CCZ1: variants seen among roughly 807,000 people sequenced by gnomAD.
The protein encoded by CCZ1 is CCZ1 vacuolar protein trafficking and biogenesis associated, also known as vacuolar fusion protein CCZ1 homolog.
In CCZ1, 19 loss-of-function variants were observed where a neutral mutation model predicts 57.8. The observed-to-expected ratio is 0.33, with a 90% confidence interval of 0.23 to 0.48. The LOEUF is 0.48. Among genes scored for constraint, CCZ1 ranks in the 20% least tolerant of loss-of-function variants. CCZ1 has a pLI of 0.99. For missense variants in CCZ1, 200 were observed against 492.0 expected, an observed-to-expected ratio of 0.41 and a Z score of 5.61; for synonymous variants, 81 against 167.0, an observed-to-expected ratio of 0.49 and a Z score of 3.97.
At chr7:5,908,580 A>C (rs899113488) in intron 7 of CCZ1, among the ~76,000 whole-genome samples, 11 of 147,674 alleles carry the variant, frequency 7.4e-5, no homozygotes, top group African/African-American at 2.8e-4. Flanking sequence ...GTGTTTCGCC[A>C]TGTTGGCCAG....
chr7:5,899,334 GGTGT>G (rs869199583), intron 1 of CCZ1, among the ~76,000 whole-genome samples: 706 of 12,346 alleles, frequency 0.057, 24 homozygotes, highest in Non-Finnish European at 0.09. Flanking sequence ...TCGGGAGGGG[GGTGT>G]GTGTGTGTGT....
intron 4 of CCZ1, chr7:5,901,438 T>C (rs531972650): frequency 4.2e-6 from 3 of 706,910 alleles, no homozygotes; most frequent in African/African-American, 1.9e-5. Flanking sequence ...TGAGCCAAGA[T>C]TGTACCACTG....
intron 6 of CCZ1, among the ~76,000 whole-genome samples, chr7:5,903,995 G>GC (rs1322064252): frequency 3.2e-5 from 2 of 61,748 alleles, no homozygotes; most frequent in Non-Finnish European, 7.3e-5. Flanking sequence ...CTCCATCTCG[G>GC]GGGGGGAAAT....
intron 7 of CCZ1, among the ~76,000 whole-genome samples, chr7:5,906,532 A>C (rs1417456527): frequency 6.7e-6 from 1 of 148,362 alleles, no homozygotes; most frequent in African/African-American, 2.5e-5. Flanking sequence ...CATGTTGGCC[A>C]GGCTGGTCCT....
chr7:5,899,334 G>GGTGTGTGT (rs869199583), intron 1 of CCZ1, among the ~76,000 whole-genome samples: 26 of 12,548 alleles, frequency 2.1e-3, no homozygotes, highest in East Asian at 6.1e-3. Flanking sequence ...TCGGGAGGGG[G>GGTGTGTGT]GTGTGTGTGT....
chr7:5,922,830 G>T (rs1583193871), intron 12 of CCZ1, among the ~76,000 whole-genome samples: 2 of 148,210 alleles, frequency 1.3e-5, no homozygotes, highest in South Asian at 4.1e-4. Flanking sequence ...ACTGTGGGAG[G>T]AACGAGGTGT....
At chr7:5,911,294 T>G (rs1781972821) in intron 8 of CCZ1, among the ~76,000 whole-genome samples, 1 of 148,876 alleles carries the variant, frequency 6.7e-6, no homozygotes, top group Non-Finnish European at 1.5e-5. Flanking sequence ...TTGAACTCAC[T>G]CTCTTCGCTT....
intron 1 of CCZ1, among the ~76,000 whole-genome samples, chr7:5,899,376 T>TTTTCTGAG (rs1562536505): frequency 9.7e-6 from 1 of 102,672 alleles, no homozygotes. Flanking sequence ...TGTGTGTGTG[T>TTTTCTGAG]GTGTGTGGTT....
Position 5,909,697 on chromosome 7 carries a change from C to CAA in CCZ1, c.699-328_699-327dup, listed in dbSNP as rs147891550. Among the ~76,000 whole-genome samples the CAA allele has an allele frequency of 4.2e-3, 539 of 127,202 alleles. 1 individual carries two copies. The highest frequency in any genetic ancestry group is 0.026 in the East Asian group (88 of 3,448). 83.4% of individuals were successfully genotyped at this position (127,202 alleles called of 152,430 possible). ...TGGGTGACAGAGCAAGACCTTGTCT[C>CAA]AAAAAAAAAAAGAAAAAAAAATTTT... On this transcript the variant is annotated intron_variant, in intron 7 of 14. Transcript: ENST00000325974.
At chr7:5,922,850 C>G (rs1467214144) in intron 12 of CCZ1, among the ~76,000 whole-genome samples, 11 of 149,388 alleles carry the variant, frequency 7.4e-5, no homozygotes, top group African/African-American at 2.8e-4. Context: ...TTACTCTCCT[C>G]AAGCAGGGGT....
At chr7:5,910,710 A>AC (rs1781951871) in intron 8 of CCZ1, among the ~76,000 whole-genome samples, 1 of 102,594 alleles carries the variant, frequency 9.7e-6, no homozygotes, top group South Asian at 3.2e-4. Context: ...ATTTTATTTT[A>AC]TTTATTTATT....
At position 5,925,645 on chromosome 7, in the gene CCZ1, A is replaced by G. The variant is rs546221229; in HGVS notation, c.1407A>G (p.Lys469=). The G allele has an allele frequency of 1.2e-6, 2 of 1,608,822 alleles. No homozygotes were observed. Among genetic ancestry groups the G allele is most frequent in the Admixed American group, 1.7e-5 (1 of 59,130 alleles). The change falls in exon 15 of 15, where the codon AAA becomes AAG. Residue 469 remains lysine, a synonymous_variant. Coordinates refer to ENST00000325974, the MANE Select transcript of CCZ1 (RefSeq NM_015622.6). The part of the protein sequence containing the change: ...NLIEVNEEVK[K]LCATQFNNIF... ...TCCTTGTTGCAGAAGAGGTCAAGAA[A>G]CTTTGTGCAACGCAGTTCAACAACA... is the stretch of plus-strand genomic sequence containing the variant.
intron 6 of CCZ1, among the ~76,000 whole-genome samples, chr7:5,903,441 T>A (rs773501148): frequency 2.1e-5 from 3 of 143,920 alleles, no homozygotes; most frequent in Non-Finnish European, 4.5e-5. Flanking sequence ...AAGCAACAAT[T>A]CTCAATTTAT....
At position 5,909,191 on chromosome 7, in the gene CCZ1, C is replaced by T. The variant is rs530333273; in HGVS notation, c.699-844C>T. Among the ~76,000 whole-genome samples, 5 of 148,058 alleles carry T rather than the reference C, an allele frequency of 3.4e-5. No individual in the cohort carries two copies. The South Asian group carries it at 8.9e-4, about 26-fold the overall frequency. ...TGCAGGTCAGGATAAAGTTCCAGTG[C>T]CTGGACTCAAGTTTAACCCTTTACC... On this transcript the variant is annotated intron_variant, in intron 7 of 14. Coordinates refer to ENST00000325974, the MANE Select transcript of CCZ1 (RefSeq NM_015622.6).
At chr7:5,908,490 T>C (rs1489138011) in intron 7 of CCZ1, among the ~76,000 whole-genome samples, 1 of 148,272 alleles carries the variant, frequency 6.7e-6, no homozygotes, top group Non-Finnish European at 1.5e-5. Context: ...GCGATTCTCA[T>C]GCCTCAGTCT....
At chr7:5,903,801 G>A (rs140962103) in intron 6 of CCZ1, among the ~76,000 whole-genome samples, 4 of 147,188 alleles carry the variant, frequency 2.7e-5, no homozygotes, top group African/African-American at 1.0e-4. Context: ...AGACCAGCCT[G>A]GCCAACATGG....
chr7:5,910,065 T>C lies in CCZ1; in HGVS notation c.729T>C (p.Ile243=). 1 of 1,590,028 alleles carries C rather than the reference T, an allele frequency of 6.3e-7. No homozygotes were observed. Among genetic ancestry groups the C allele is most frequent in the Admixed American group, 1.7e-5 (1 of 58,716 alleles). ...GATTAGAACAAGATGACATGAGAAT[T>C]TTATACAAATACCTTACCACCTCCC... is the stretch of plus-strand genomic sequence containing the variant. ...WSGLEQDDMR[I]LYKYLTTSLF... is the part of the protein sequence containing the mutation. Residue 243 remains isoleucine, a synonymous_variant, in exon 8 of 15, where the codon ATT becomes ATC. Coordinates refer to ENST00000325974, the MANE Select transcript of CCZ1 (RefSeq NM_015622.6).
chr7:5,916,495 T>TGTG (rs1286333341), intron 10 of CCZ1, among the ~76,000 whole-genome samples: 5,269 of 37,174 alleles, frequency 0.14, 302 homozygotes, highest in African/African-American at 0.34. Flanking sequence ...GGGTTTTTGT[T>TGTG]TTGTTTTTTG....
intron 7 of CCZ1, among the ~76,000 whole-genome samples, chr7:5,909,789 C>T (rs1053782049): frequency 1.3e-4 from 19 of 149,986 alleles, no homozygotes; most frequent in East Asian, 4.0e-4. Context: ...AAGTATACCA[C>T]GTAAATTCAG....
Sources: allele counts gnomAD v4.1 joint callset (sites outside exome capture counted in the v4.1 genomes callset), GRCh38; gene constraint gnomAD v4.1.1; transcripts MANE v1.5; gene names NCBI Gene and HGNC (gene_info 2026-07-23, HGNC 2026-07-21).